Variants in ALK observed in about 807,000 individuals in gnomAD.
ALK encodes ALK tyrosine kinase receptor.
A neutral mutation model predicts 163.1 loss-of-function variants in ALK; 74 were observed. The observed-to-expected ratio is 0.45, with a 90% CI of 0.38 to 0.55. The LOEUF (loss-of-function observed/expected upper bound fraction) is 0.55. Ranked by LOEUF, ALK falls within the 20% of genes least tolerant of loss-of-function variation. The probability of loss-of-function intolerance (pLI) is 0.00; values close to 1 mark genes in which losing one functional copy is unlikely to be tolerated. For synonymous variants in ALK, 960 were observed against 843.2 expected, an observed-to-expected ratio of 1.14 and a Z score of -2.40; for missense variants, 2,063 against 2,105.3, an observed-to-expected ratio of 0.98 and a Z score of 0.39.
At chr2:29,774,521 G>A (rs941542548) in intron 1 of ALK, among the ~76,000 whole-genome samples, 2 of 152,202 alleles carry the variant, frequency 1.3e-5, no homozygotes, top group African/African-American at 4.8e-5. Context: ...GGCAGAGCTG[G>A]CAGAGTGGCT....
At chr2:29,791,364 G>A (rs575875754) in intron 1 of ALK, among the ~76,000 whole-genome samples, 110 of 152,230 alleles carry the variant, frequency 7.2e-4, no homozygotes, top group African/African-American at 1.9e-3. Flanking sequence ...ATCATTCTCA[G>A]CAAACTACAC....
intron 4 of ALK, among the ~76,000 whole-genome samples, chr2:29,491,786 G>T (rs1323782771): frequency 6.6e-6 from 1 of 152,156 alleles, no homozygotes; most frequent in Non-Finnish European, 1.5e-5. Context: ...GACTAAAGGG[G>T]CAGGGAGTGC....
intron 1 of ALK, among the ~76,000 whole-genome samples, chr2:29,758,609 T>C (rs1189009272): frequency 2.0e-5 from 3 of 152,106 alleles, no homozygotes; most frequent in Non-Finnish European, 4.4e-5. Context: ...CACCTGGCCC[T>C]CTCCTTGGCT....
At chr2:29,697,859 T>C (rs1193636310) in intron 2 of ALK, among the ~76,000 whole-genome samples, 1 of 152,192 alleles carries the variant, frequency 6.6e-6, no homozygotes, top group Non-Finnish European at 1.5e-5. Context: ...GGGGGCAGAT[T>C]CTAAGGCAGG....
At chr2:29,719,553 C>T (rs936502929) in intron 1 of ALK, among the ~76,000 whole-genome samples, 6 of 152,274 alleles carry the variant, frequency 3.9e-5, no homozygotes, top group South Asian at 2.1e-4. Flanking sequence ...ACATATGGAC[C>T]GGTATGATGC....
At chr2:29,393,889 T>C (rs1053040403) in intron 4 of ALK, among the ~76,000 whole-genome samples, 12 of 152,160 alleles carry the variant, frequency 7.9e-5, no homozygotes, top group Non-Finnish European at 1.8e-4. Flanking sequence ...ACTGTTGAAT[T>C]AGGTGTGAAT....
intron 5 of ALK, among the ~76,000 whole-genome samples, chr2:29,354,588 TAGAGAGAGAG>T (rs6146695): frequency 6.7e-6 from 1 of 149,516 alleles, no homozygotes; most frequent in South Asian, 2.2e-4. Flanking sequence ...GTCCCAGTTT[TAGAGAGAGAG>T]AGAGAGAGAG....
At chr2:29,536,659 G>C (rs1260589366) in intron 3 of ALK, among the ~76,000 whole-genome samples, 3 of 152,210 alleles carry the variant, frequency 2.0e-5, no homozygotes, top group Non-Finnish European at 4.4e-5. Flanking sequence ...GTAACGGGCA[G>C]GGGTTGGAGG....
chr2:29,900,691 G>T (rs1270042399), intron 1 of ALK, among the ~76,000 whole-genome samples: 1 of 152,188 alleles, frequency 6.6e-6, no homozygotes, highest in Admixed American at 6.5e-5. Context: ...TCACAGAAAG[G>T]CAATGAAACG....
chr2:29,904,423 TC>T (rs1667487378), intron 1 of ALK, among the ~76,000 whole-genome samples: 1 of 152,080 alleles, frequency 6.6e-6, no homozygotes, highest in Admixed American at 6.6e-5. Context: ...CAAGATAAAC[TC>T]TAACTGTGAG....
chr2:29,197,290 A>G (rs1669046503), intron 27 of ALK, among the ~76,000 whole-genome samples: 1 of 152,136 alleles, frequency 6.6e-6, no homozygotes. Flanking sequence ...GAGCTTGGGG[A>G]ATGTAGGCCT....
At chr2:29,821,095 G>A (rs982232886) in intron 1 of ALK, among the ~76,000 whole-genome samples, 4 of 152,188 alleles carry the variant, frequency 2.6e-5, no homozygotes, top group African/African-American at 9.7e-5. Context: ...CGAGACTACT[G>A]CCAAATCAAG....
chr2:29,818,793 T>C (rs1361675596), intron 1 of ALK, among the ~76,000 whole-genome samples: 1 of 152,222 alleles, frequency 6.6e-6, no homozygotes, highest in African/African-American at 2.4e-5. Context: ...TCATTAGTAA[T>C]ATGCAGCTTG....
intron 8 of ALK, among the ~76,000 whole-genome samples, chr2:29,301,815 AAGAG>A (rs1428953046): frequency 6.6e-6 from 1 of 152,156 alleles, no homozygotes; most frequent in Non-Finnish European, 1.5e-5. Flanking sequence ...GGCCGGGCAA[AAGAG>A]AGAGAACTGG....
intron 11 of ALK, among the ~76,000 whole-genome samples, chr2:29,268,584 T>C (rs987823342): frequency 1.3e-5 from 2 of 152,228 alleles, no homozygotes; most frequent in African/African-American, 4.8e-5. Context: ...ATATGAGTTG[T>C]TAGTCCCTAG....
At chr2:29,502,663 T>C (rs1015915241) in intron 4 of ALK, among the ~76,000 whole-genome samples, 1 of 152,036 alleles carries the variant, frequency 6.6e-6, no homozygotes, top group Admixed American at 6.5e-5. Flanking sequence ...CTCATTCTTA[T>C]TGTGATTAAT....
intron 4 of ALK, among the ~76,000 whole-genome samples, chr2:29,394,786 C>T (rs1307257606): frequency 6.6e-6 from 1 of 152,190 alleles, no homozygotes; most frequent in African/African-American, 2.4e-5. Context: ...GGTTTCCTAA[C>T]TCTCTCTTTC....
intron 3 of ALK, among the ~76,000 whole-genome samples, chr2:29,659,454 C>T (rs568863288): frequency 3.3e-5 from 5 of 152,154 alleles, no homozygotes; most frequent in African/African-American, 1.2e-4. Context: ...ATTGTGACAG[C>T]ACTGTCCAGG....
At position 29,636,693 on chromosome 2, in the gene ALK, C is replaced by T. The variant is rs1424294977; in HGVS notation, c.952+58157G>A. Among the ~76,000 whole-genome samples the T allele has an allele frequency of 7.2e-5, 11 of 152,158 alleles. No homozygotes were observed. The East Asian group carries it at 1.9e-3, about 27-fold the overall frequency. The stretch of plus-strand genomic sequence containing the variant: ...AGACTGGGAGAAAATATTTACAAAC[C>T]ACACTTCTGAGAAAAGACTAGTATC... On this transcript the variant is annotated intron_variant, in intron 3 of 28. Coordinates refer to ENST00000389048, the MANE Select transcript of ALK (RefSeq NM_004304.5).
Sources: gnomAD v4.1 joint callset for allele counts (sites outside exome capture counted in the v4.1 genomes callset) on GRCh38, gnomAD v4.1.1 for gene constraint, MANE v1.5 for transcripts, NCBI Gene and HGNC (gene_info 2026-07-23, HGNC 2026-07-21) for gene names.